CCDC181: variants seen among roughly 807,000 people sequenced by gnomAD.
The protein encoded by CCDC181 is coiled-coil domain containing 181.
CCDC181 carries 35 observed loss-of-function variants against 58.7 expected under a neutral mutation model. That is an observed-to-expected ratio of 0.60 (90% CI 0.46 to 0.79). CCDC181 has a LOEUF of 0.79. Among genes scored for constraint, CCDC181 ranks in the 30% least tolerant of loss-of-function variants. CCDC181 has a pLI of 0.00. For synonymous variants in CCDC181, 183 were observed against 197.5 expected, an observed-to-expected ratio of 0.93 and a Z score of 0.62; for missense variants, 517 against 583.9, an observed-to-expected ratio of 0.89 and a Z score of 1.18.
At chr1:169,452,242 G>T (rs546873814) in intron 2 of CCDC181, among the ~76,000 whole-genome samples, 4 of 152,196 alleles carry the variant, frequency 2.6e-5, no homozygotes, top group African/African-American at 9.6e-5. Flanking sequence ...AAAAGAACCA[G>T]AAAGAGGTAT....
chr1:169,421,651 G>A lies in CCDC181; in HGVS notation c.780C>T (p.Ser260=). The change falls in exon 3 of 6, where the codon TCC becomes TCT. Residue 260 remains serine (S), a synonymous_variant. Transcript: ENST00000367806. ...NDPQQLLPRS[S]NSSVSGTKKE... ...TCTTGGTGCCACTGACAGAGGAGTT[G>A]GAAGATCTGGGTAACAACTGCTGAG... The A allele has an allele frequency of 6.2e-7, 1 of 1,614,078 alleles. No individual in the cohort carries two copies. The highest frequency in any genetic ancestry group is 1.1e-5 in the South Asian group (1 of 91,074).
chr1:169,402,612 A>AT (rs1655414031), intron 4 of CCDC181, among the ~76,000 whole-genome samples: 1 of 152,170 alleles, frequency 6.6e-6, no homozygotes. Context: ...ATGCTGAGAG[A>AT]TTTTGTCACC....
In CCDC181 at chr1:169,421,955, A is replaced by G; in HGVS notation, c.476T>C (p.Val159Ala). The change falls in exon 3 of 6, where the codon GTT becomes GCT. Residue 159 changes from valine to alanine, a missense_variant. Physicochemically the swap from Val to Ala is moderately conservative, Grantham distance 64 (BLOSUM62 0). Transcript: ENST00000367806. ...ERKLKFKDQL[V>A]DLEVPPLEDT... is the part of the protein sequence containing the mutation. The stretch of plus-strand genomic sequence containing the variant: ...TTCTAGTGGAGGAACTTCCAAATCA[A>G]CTAACTGGTCCTTGAACTTAAGTTT... The G allele has an allele frequency of 6.2e-7, 1 of 1,614,008 alleles. No individual in the cohort carries two copies. The highest frequency in any genetic ancestry group is 8.5e-7 in the Non-Finnish European group (1 of 1,179,972).
rs750729553 is a variant in CCDC181, at chr1:169,397,204, G to A, written c.1370+33C>T. On this transcript the variant is annotated intron_variant, in intron 5 of 5. Transcript: ENST00000367806. ...AACTTTTAAAATGAACATGAGGAAGGAGGAGGGGGGAAATGCCCTGCCTTT... is the reference window on the plus strand; with the variant it reads ...AACTTTTAAAATGAACATGAGGAAGAAGGAGGGGGGAAATGCCCTGCCTTT... 391 of 1,496,268 alleles carry A rather than the reference G, an allele frequency of 2.6e-4. 1 individual carries two copies. The highest frequency in any genetic ancestry group is 5.6e-5 in the Non-Finnish European group (63 of 1,123,738). The allele number at this position is 1,496,268 out of a possible 1,614,324, so 92.7% of individuals were successfully genotyped here.
At chr1:169,455,147 T>G (rs1657651052) in intron 2 of CCDC181, among the ~76,000 whole-genome samples, 1 of 151,910 alleles carries the variant, frequency 6.6e-6, no homozygotes, top group African/African-American at 2.4e-5. Flanking sequence ...ATTTATGTTT[T>G]GTTTTAATTT....
intron 2 of CCDC181, among the ~76,000 whole-genome samples, chr1:169,453,668 T>C (rs1481642366): frequency 6.6e-6 from 1 of 151,852 alleles, no homozygotes; most frequent in Non-Finnish European, 1.5e-5. Flanking sequence ...GCTCTCATCC[T>C]TCCTCAACGA....
chr1:169,436,710 G>T (rs1375870495), intron 2 of CCDC181, among the ~76,000 whole-genome samples: 2 of 152,160 alleles, frequency 1.3e-5, no homozygotes, highest in Non-Finnish European at 2.9e-5. Flanking sequence ...AAAAAAGGTT[G>T]ATTTCACTAT....
At chr1:169,459,924 A>AAAAAAAG (rs1657797921) in intron 1 of CCDC181, 1 of 150,940 alleles carries the variant, frequency 6.6e-6, no homozygotes, top group Admixed American at 6.6e-5. Flanking sequence ...AAAAAAAAAA[A>AAAAAAAG]AAAAAGGAGG....
chr1:169,408,109 C>A (rs1655768709), intron 4 of CCDC181, among the ~76,000 whole-genome samples: 1 of 152,174 alleles, frequency 6.6e-6, no homozygotes, highest in South Asian at 2.1e-4. Flanking sequence ...GCCAGGGAGC[C>A]AAGTGATCTA....
upstream of CCDC181, among the ~76,000 whole-genome samples, chr1:169,428,124 T>C (rs1557874204): frequency 1.3e-5 from 2 of 152,242 alleles, no homozygotes; most frequent in Non-Finnish European, 2.9e-5. Flanking sequence ...TATCACTTGA[T>C]GTGATGGAGA....
intron 4 of CCDC181, among the ~76,000 whole-genome samples, chr1:169,418,411 T>C (rs1182716013): frequency 6.6e-6 from 1 of 151,988 alleles, no homozygotes; most frequent in Non-Finnish European, 1.5e-5. Flanking sequence ...ATAAATAAGA[T>C]ATAAAAGGAT....
In CCDC181 at chr1:169,459,091, T is replaced by C. The variant is rs187643833; in HGVS notation, c.-24+706A>G. 3.4e-3 allele frequency among the ~76,000 whole-genome samples: 524 copies of C among 152,322 alleles called. 5 individuals carry two copies. The highest frequency in any genetic ancestry group is 4.0e-3 in the Non-Finnish European group (273 of 68,018). On this transcript the variant is annotated intron_variant, in intron 2 of 6. Transcript: ENST00000545005. ...GGCAATAATTATTTATTATGCTTTT[T>C]TATTTCTCCAAATTTCCTACCATAA...
rs374963346 is a variant in CCDC181 at position 169,422,148 on chromosome 1, T to C, written c.283A>G (p.Ile95Val). The change falls in exon 3 of 6, where the codon ATA becomes GTA. Residue 95 changes from isoleucine (I) to valine (V), a missense_variant. Transcript: ENST00000367806. The stretch of plus-strand genomic sequence containing the variant: ...GAGTTTTCACTATCTGAATCTGATA[T>C]GGGATCCAAAGGTTGAATACCTGGT... ...SVPGIQPLDP[I>V]SDSDSENSFQ... The C allele has an allele frequency of 3.1e-6, 5 of 1,613,630 alleles. No homozygotes were observed. The East Asian group carries it at 6.7e-5, about 22-fold the overall frequency.
intron 2 of CCDC181, among the ~76,000 whole-genome samples, chr1:169,440,680 A>G (rs557351924): frequency 1.1e-3 from 164 of 152,132 alleles, no homozygotes; most frequent in Non-Finnish European, 1.8e-3. Flanking sequence ...ACTTTGGGAC[A>G]TTGAGGTAGG....
intron 4 of CCDC181, 54 bp downstream of exon 4, chr1:169,418,959 T>G (rs746192837): frequency 7.0e-7 from 1 of 1,437,570 alleles, no homozygotes; most frequent in Non-Finnish European, 9.7e-7. Flanking sequence ...CTTCTATAAA[T>G]AAGTTCAGCT....
chr1:169,454,926 GA>G (rs1346953121), intron 2 of CCDC181, among the ~76,000 whole-genome samples: 1 of 151,732 alleles, frequency 6.6e-6, no homozygotes, highest in African/African-American at 2.4e-5. Context: ...CTTTATTTTT[GA>G]AATGGTACAA....
At chr1:169,402,730 A>G (rs1290356105) in intron 4 of CCDC181, among the ~76,000 whole-genome samples, 2 of 152,236 alleles carry the variant, frequency 1.3e-5, no homozygotes, top group African/African-American at 4.8e-5. Flanking sequence ...CATCAAGGCT[A>G]GGAAGAAACT....
intron 4 of CCDC181, among the ~76,000 whole-genome samples, chr1:169,400,952 A>G (rs1372254360): frequency 6.6e-6 from 1 of 152,190 alleles, no homozygotes; most frequent in African/African-American, 2.4e-5. Flanking sequence ...TCCCACCCCA[A>G]TACTACACTT....
chr1:169,410,563 C>T (rs914912152), intron 4 of CCDC181, among the ~76,000 whole-genome samples: 1 of 152,204 alleles, frequency 6.6e-6, no homozygotes, highest in African/African-American at 2.4e-5. Context: ...CTATAGAACT[C>T]TCCACCTTAA....
Sources: gnomAD v4.1 joint callset for allele counts (sites outside exome capture counted in the v4.1 genomes callset) on GRCh38, gnomAD v4.1.1 for gene constraint, MANE v1.5 for transcripts, NCBI Gene and HGNC (gene_info 2026-07-23, HGNC 2026-07-21) for gene names.